Variants in WDR37 observed in about 807,000 individuals in gnomAD.
The protein encoded by WDR37 is WD repeat-containing protein 37.
WDR37 carries 19 observed loss-of-function variants against 62.9 expected under a neutral mutation model. The ratio of observed to expected loss-of-function variants is 0.30; its 90% confidence interval spans 0.21 to 0.44. The LOEUF (loss-of-function observed/expected upper bound fraction) is 0.44, where lower values mean the gene tolerates loss of function less well. Ranked by LOEUF, WDR37 falls within the 20% of genes least tolerant of loss-of-function variation. The pLI is 1.00. For missense variants in WDR37, 474 were observed against 657.6 expected, an observed-to-expected ratio of 0.72 and a Z score of 3.05; for synonymous variants, 250 against 260.9, an observed-to-expected ratio of 0.96 and a Z score of 0.40.
At chr10:1,125,060 G>C (rs1417529311) in intron 13 of WDR37, 36 bp downstream of exon 13, 1 of 1,609,190 alleles carries the variant, frequency 6.2e-7, no homozygotes, top group Non-Finnish European at 8.5e-7. Context: ...GCAGGGCACA[G>C]TGGAGGAGGA....
intron 7 of WDR37, among the ~76,000 whole-genome samples, chr10:1,089,646 TTCCCGTGCTCACCCGCAGTTCGGCC>T (rs1278397429): frequency 6.7e-5 from 2 of 29,780 alleles, no homozygotes; most frequent in Non-Finnish European, 2.5e-4. Flanking sequence ...CAATTCAGCC[TTCCCGTGCTCACCCGCAGTTCGGCC>T]TTCCCGTGCT....
At chr10:1,084,645 G>C in intron 6 of WDR37, 107 bp downstream of exon 6, 1 of 1,501,348 alleles carries the variant, frequency 6.7e-7, no homozygotes, top group Non-Finnish European at 9.0e-7. Context: ...ATGCAAAAGC[G>C]TCATGGAGGA....
At chr10:1,084,599 A>T (rs1391554954) in intron 6 of WDR37, 61 bp downstream of exon 6, 1 of 1,583,020 alleles carries the variant, frequency 6.3e-7, no homozygotes, top group Non-Finnish European at 8.6e-7. Flanking sequence ...TCCCTGAGTG[A>T]TGGACATTCA....
rs559160223 is a variant in WDR37 at position 1,107,400 on chromosome 10, G to A, written c.1103+2133G>A. On this transcript the variant is annotated intron_variant, in intron 11 of 13. Coordinates refer to ENST00000263150, the MANE Select transcript of WDR37 (RefSeq NM_014023.4). Reference sequence around the variant, plus strand: ...CCTAGAGGACGGGAGGAGCAAGATGGTCTCACTCCTGCGCCTGCAGTGCTT... The same window carrying A: ...CCTAGAGGACGGGAGGAGCAAGATGATCTCACTCCTGCGCCTGCAGTGCTT... Among the ~76,000 whole-genome samples the A allele has an allele frequency of 6.6e-5, 10 of 152,376 alleles. 1 individual carries two copies. The highest frequency in any genetic ancestry group is 2.4e-4 in the African/African-American group (10 of 41,588).
chr10:1,074,385 T>G (rs1589083000), intron 2 of WDR37: 5 of 1,290,878 alleles, frequency 3.9e-6, no homozygotes, highest in Non-Finnish European at 4.1e-6. Flanking sequence ...AGCTCAGAGG[T>G]CTCCAAGCCG....
chr10:1,096,375 C>G, intron 9 of WDR37, 129 bp downstream of exon 9: 3 of 980,466 alleles, frequency 3.1e-6, no homozygotes, highest in Non-Finnish European at 3.1e-6. Flanking sequence ...GCCTCACCCC[C>G]GGTATGGTTG....
At chr10:1,101,104 C>T (rs896338154) in intron 9 of WDR37, among the ~76,000 whole-genome samples, 6 of 152,338 alleles carry the variant, frequency 3.9e-5, no homozygotes, top group South Asian at 2.1e-4. Flanking sequence ...CAGCAGAGGG[C>T]GCTTCAGTTC....
At chr10:1,081,306 A>G (rs1834020898) in intron 5 of WDR37, among the ~76,000 whole-genome samples, 1 of 152,212 alleles carries the variant, frequency 6.6e-6, no homozygotes, top group African/African-American at 2.4e-5. Context: ...GATTACTATC[A>G]AGTGATATTT....
At chr10:1,078,780 G>C (rs1053267374) in intron 3 of WDR37, among the ~76,000 whole-genome samples, 6 of 152,210 alleles carry the variant, frequency 3.9e-5, no homozygotes, top group Non-Finnish European at 8.8e-5. Context: ...CTCCCAAAGT[G>C]CTGGGATTAT....
chr10:1,102,200 C>T (rs1175729712), intron 9 of WDR37, among the ~76,000 whole-genome samples: 5 of 112,360 alleles, frequency 4.4e-5, no homozygotes, highest in Admixed American at 4.2e-4. Context: ...GTCCATGTGA[C>T]GTGTTGCCGT....
intron 9 of WDR37, among the ~76,000 whole-genome samples, chr10:1,101,659 G>A (rs112227410): frequency 1.3e-5 from 2 of 152,304 alleles, no homozygotes; most frequent in African/African-American, 4.8e-5. Context: ...TGCATCACAC[G>A]GAATAAAACC....
At chr10:1,067,892 A>G (rs1323646589) in intron 1 of WDR37, among the ~76,000 whole-genome samples, 4 of 152,184 alleles carry the variant, frequency 2.6e-5, no homozygotes, top group African/African-American at 9.7e-5. Flanking sequence ...CCATTCAGCC[A>G]TAAGAAGAAT....
chr10:1,090,283 C>T lies in WDR37; in HGVS notation c.605-3169C>T, dbSNP rs997948096. On this transcript the variant is annotated intron_variant, in intron 7 of 13. Transcript: ENST00000263150. ...AAAGGATTCTCCTGCTTCGGCCTCC[C>T]GAGTAGCTGGGAGTACAGGCACATG... 1.1e-4 allele frequency among the ~76,000 whole-genome samples: 17 copies of T among 152,200 alleles called. No homozygotes were observed. The East Asian group carries it at 1.5e-3, about 14-fold the overall frequency.
intron 1 of WDR37, among the ~76,000 whole-genome samples, chr10:1,066,316 C>T (rs940228928): frequency 1.3e-5 from 2 of 152,162 alleles, no homozygotes; most frequent in Admixed American, 1.3e-4. Context: ...CGGGGTTTCA[C>T]CGTGTTAGCT....
At chr10:1,123,967 G>T in intron 11 of WDR37, 1 of 464,524 alleles carries the variant, frequency 2.2e-6, no homozygotes, top group Non-Finnish European at 3.8e-6. Context: ...ACCTCTCTTC[G>T]TTCCGTTGCC....
chr10:1,105,296 C>G lies in WDR37; in HGVS notation c.1103+29C>G, dbSNP rs575497384. The G allele has an allele frequency of 1.9e-6, 3 of 1,596,284 alleles. No homozygotes were observed. The highest frequency in any genetic ancestry group is 2.2e-5 in the South Asian group (2 of 89,742). The stretch of plus-strand genomic sequence containing the variant: ...AGTTGCGGTAGTTTAGACATCTGTC[C>G]TTAGTCATGAAAAAGTTCTGTGGGT... On this transcript the variant is annotated intron_variant, in intron 11 of 13. Coordinates refer to ENST00000263150, the MANE Select transcript of WDR37 (RefSeq NM_014023.4). This position sits in a 1 kb window ranked among gnomAD's most constrained non-coding sequence, Gnocchi z 5.3.
chr10:1,096,836 A>G (rs1834597972), intron 9 of WDR37, among the ~76,000 whole-genome samples: 1 of 152,196 alleles, frequency 6.6e-6, no homozygotes, highest in Non-Finnish European at 1.5e-5. Context: ...AGAAATACGG[A>G]CATCAATGGG....
In WDR37 at chr10:1,117,272, C is replaced by T. The variant is rs1163768581; in HGVS notation, c.1104-6946C>T. On this transcript the variant is annotated intron_variant, in intron 11 of 13. Transcript: ENST00000263150. ...GTCTCACCATGTTGCTTAGGCTGCT[C>T]TCGAAATCTTGGCCGCAAGTGATCC... Among the ~76,000 whole-genome samples the T allele has an allele frequency of 2.6e-5, 4 of 152,158 alleles. No homozygotes were observed. In the East Asian group the frequency reaches 7.7e-4, roughly 29 times the overall value.
chr10:1,057,213 G>A lies in WDR37; in HGVS notation c.-41+245G>A, dbSNP rs553446465. 9.2e-5 allele frequency among the ~76,000 whole-genome samples: 14 copies of A among 152,072 alleles called. No individual in the cohort carries two copies. The South Asian group carries it at 1.9e-3, about 20-fold the overall frequency. On this transcript the variant is annotated intron_variant, in intron 1 of 13. Coordinates refer to ENST00000263150, the MANE Select transcript of WDR37 (RefSeq NM_014023.4). Reference sequence around the variant, plus strand: ...AAGGGTTCAGGGTGCAAGAGAAGTCGGGGCGCAGGAGTAGTCCGTGGCGGT... The same window carrying A: ...AAGGGTTCAGGGTGCAAGAGAAGTCAGGGCGCAGGAGTAGTCCGTGGCGGT...
Sources: allele counts gnomAD v4.1 joint callset (sites outside exome capture counted in the v4.1 genomes callset), GRCh38; gene constraint gnomAD v4.1.1; non-coding constraint Gnocchi (gnomAD v3.1); transcripts MANE v1.5; gene names NCBI Gene and HGNC (gene_info 2026-07-23, HGNC 2026-07-21).